TINAG: variants seen among roughly 807,000 people sequenced by gnomAD.
The protein encoded by TINAG is tubulointerstitial nephritis antigen.
In TINAG, 83 loss-of-function variants were observed where a neutral mutation model predicts 72.7. The observed-to-expected ratio is 1.14, with a 90% CI of 0.96 to 1.37. TINAG has a LOEUF of 1.37. TINAG is among the 40% of genes most tolerant of loss of function. The probability of loss-of-function intolerance (pLI) is 0.00; values close to 1 mark genes in which losing one functional copy is unlikely to be tolerated. For synonymous variants in TINAG, 234 were observed against 189.9 expected (o/e 1.23, Z -1.91); for missense variants, 685 against 576.6 (o/e 1.19, Z -1.93).
chr6:54,327,018 C>T, intron 4 of TINAG, 102 bp downstream of exon 4: 2 of 1,559,646 alleles, frequency 1.3e-6, no homozygotes, highest in Non-Finnish European at 1.7e-6. Context: ...GAGTTTTGAG[C>T]TTTCAGTCAT....
intron 1 of TINAG, among the ~76,000 whole-genome samples, chr6:54,311,402 G>C (rs1283875644): frequency 6.6e-6 from 1 of 152,122 alleles, no homozygotes; most frequent in Non-Finnish European, 1.5e-5. Flanking sequence ...TGACTTGCAT[G>C]ATATGGCAAG....
intron 1 of TINAG, among the ~76,000 whole-genome samples, chr6:54,314,045 T>G (rs988045579): frequency 5.3e-5 from 8 of 152,152 alleles, no homozygotes; most frequent in African/African-American, 1.9e-4. Context: ...GACTTAGGTA[T>G]GCGAAACAAT....
chr6:54,376,661 A>G (rs1763791437), intron 9 of TINAG, among the ~76,000 whole-genome samples: 1 of 152,214 alleles, frequency 6.6e-6, no homozygotes, highest in Non-Finnish European at 1.5e-5. Context: ...TCTAAAAAGA[A>G]CAATATCCCT....
intron 1 of TINAG, among the ~76,000 whole-genome samples, chr6:54,316,543 G>T (rs1370799927): frequency 6.6e-6 from 1 of 152,104 alleles, no homozygotes; most frequent in Non-Finnish European, 1.5e-5. Flanking sequence ...AACCCTGGGG[G>T]GTGGATTCCT....
intron 5 of TINAG, 67 bp from the exon 6 acceptor site, chr6:54,347,299 AG>A: frequency 1.3e-6 from 2 of 1,512,186 alleles, no homozygotes; most frequent in Non-Finnish European, 1.8e-6. Context: ...TCAAACAAAA[AG>A]GGTTATGTAC....
intron 5 of TINAG, among the ~76,000 whole-genome samples, chr6:54,345,244 T>C (rs1313904487): frequency 1.3e-5 from 2 of 152,160 alleles, no homozygotes; most frequent in Non-Finnish European, 2.9e-5. Context: ...CTTTTCTAAA[T>C]ATTTCAAGTG....
intron 3 of TINAG, among the ~76,000 whole-genome samples, chr6:54,325,208 C>T (rs1784576616): frequency 6.6e-6 from 1 of 152,212 alleles, no homozygotes; most frequent in Admixed American, 6.5e-5. Context: ...AGCTTTTGAT[C>T]ATATTTTGAT....
rs546619833 is a variant in TINAG, at chr6:54,330,805, C to G, written c.624+3889C>G. On this transcript the variant is annotated intron_variant, in intron 4 of 10. Transcript: ENST00000259782. ...ACTGATACCACAGAAATACAAACTA[C>G]CATCAGAGAATACTATAAACACCTC... Among the ~76,000 whole-genome samples the G allele has an allele frequency of 3.5e-4, 54 of 152,192 alleles. No homozygotes were observed. In the South Asian group the frequency reaches 0.011, roughly 31 times the overall value.
intron 3 of TINAG, among the ~76,000 whole-genome samples, chr6:54,323,343 G>A (rs2150938047): frequency 6.6e-6 from 1 of 152,252 alleles, no homozygotes; most frequent in Non-Finnish European, 1.5e-5. Flanking sequence ...AAGGGGGGAA[G>A]TCTTTAAATT....
At chr6:54,339,147 G>A (rs1784939329) in intron 4 of TINAG, among the ~76,000 whole-genome samples, 1 of 152,104 alleles carries the variant, frequency 6.6e-6, no homozygotes, top group South Asian at 2.1e-4. Context: ...CAACTTTAAT[G>A]GCAATTGTGT....
intron 10 of TINAG, among the ~76,000 whole-genome samples, chr6:54,381,122 CAGG>C (rs1562186396): frequency 6.8e-6 from 1 of 147,666 alleles, no homozygotes; most frequent in Non-Finnish European, 1.5e-5. Context: ...ATGTAACCTA[CAGG>C]ATATATATAC....
At chr6:54,335,330 G>T (rs1300861790) in intron 4 of TINAG, among the ~76,000 whole-genome samples, 1 of 152,132 alleles carries the variant, frequency 6.6e-6, no homozygotes, top group Admixed American at 6.6e-5. Context: ...TTAATGATGA[G>T]TTGGGAAGAA....
At position 54,330,465 on chromosome 6, in the gene TINAG, G is replaced by A. The variant is rs149550117; in HGVS notation, c.624+3549G>A. Among the ~76,000 whole-genome samples the A allele has an allele frequency of 3.2e-3, 493 of 152,240 alleles. 4 individuals carry two copies. Among genetic ancestry groups the A allele is most frequent in the African/African-American group, 0.011 (467 of 41,544 alleles). On this transcript the variant is annotated intron_variant, in intron 4 of 10. Coordinates refer to ENST00000259782, the MANE Select transcript of TINAG (RefSeq NM_014464.4). ...GGACACAGCTAAAACAGTGTTTAGAGGGAAATTTATAGCATGTAATGTCCA... is the reference window on the plus strand; with the variant it reads ...GGACACAGCTAAAACAGTGTTTAGAAGGAAATTTATAGCATGTAATGTCCA...
chr6:54,320,141 C>A (rs541112306), intron 1 of TINAG, among the ~76,000 whole-genome samples: 10 of 152,054 alleles, frequency 6.6e-5, no homozygotes, highest in African/African-American at 2.4e-4. Flanking sequence ...ATGAAATGAC[C>A]TGGTATTTTG....
chr6:54,342,428 G>A (rs933060626), intron 4 of TINAG, among the ~76,000 whole-genome samples: 21 of 150,512 alleles, frequency 1.4e-4, no homozygotes, highest in African/African-American at 2.9e-4. Flanking sequence ...GCGCGATCTC[G>A]GCTCACTGCA....
intron 10 of TINAG, 45 bp downstream of exon 10, chr6:54,380,616 G>A: frequency 6.7e-7 from 1 of 1,503,292 alleles, no homozygotes; most frequent in African/African-American, 1.4e-5. Flanking sequence ...AAGTGAATAT[G>A]TTCAAATCTT....
At position 54,381,231 on chromosome 6, in the gene TINAG, T is replaced by C. The variant is rs899355361; in HGVS notation, c.1296+660T>C. 4.0e-5 allele frequency among the ~76,000 whole-genome samples: 6 copies of C among 151,074 alleles called. No homozygotes were observed. The East Asian group carries it at 7.8e-4, about 20-fold the overall frequency. On this transcript the variant is annotated intron_variant, in intron 10 of 10. Transcript: ENST00000259782. Reference sequence around the variant, plus strand: ...TGTGTCTTTACTCAGAAAGAACCAATATCTAGTCTCAAAATAACAGAAAGT... The same window carrying C: ...TGTGTCTTTACTCAGAAAGAACCAACATCTAGTCTCAAAATAACAGAAAGT...
At chr6:54,320,685 G>A in intron 2 of TINAG, 43 bp downstream of exon 2, 1 of 1,464,404 alleles carries the variant, frequency 6.8e-7, no homozygotes, top group Non-Finnish European at 9.3e-7. Flanking sequence ...TACTGTGTGT[G>A]TATGTTTTCT....
chr6:54,307,987 TG>T, upstream of TINAG: 1 of 1,514,854 alleles, frequency 6.6e-7, no homozygotes. Flanking sequence ...GGAGTACAGA[TG>T]GGAAATCAAA....
Sources: allele counts gnomAD v4.1 joint callset (sites outside exome capture counted in the v4.1 genomes callset), GRCh38; gene constraint gnomAD v4.1.1; transcripts MANE v1.5; gene names NCBI Gene and HGNC (gene_info 2026-07-23, HGNC 2026-07-21).